The following PATJ variants were observed in gnomAD, a reference collection of about 807,000 sequenced individuals.
PATJ encodes the protein inaD-like protein.
In PATJ, 190 loss-of-function variants were observed where a neutral mutation model predicts 224.9. The observed-to-expected ratio is 0.84, with a 90% confidence interval of 0.75 to 0.95. The LOEUF is 0.95. Among genes scored for constraint, PATJ ranks in the 40% least tolerant of loss-of-function variants. PATJ has a pLI of 0.00. For synonymous variants in PATJ, 769 were observed against 820.3 expected, an observed-to-expected ratio of 0.94 and a Z score of 1.07; for missense variants, 2,121 against 2,270.3, an observed-to-expected ratio of 0.93 and a Z score of 1.34.
At position 61,994,272 on chromosome 1, in the gene PATJ, A is replaced by G. The variant is rs896521125; in HGVS notation, c.3867+3908A>G. Reference sequence around the variant, plus strand: ...AACAAAATACATAATACCTGCCCTCACAGAGCTTCCAGTCTAGTGATTGTA... The same window carrying G: ...AACAAAATACATAATACCTGCCCTCGCAGAGCTTCCAGTCTAGTGATTGTA... On this transcript the variant is annotated intron_variant, in intron 28 of 43. Coordinates refer to ENST00000642238, the MANE Select transcript of PATJ (RefSeq NM_001350145.3). Among the ~76,000 whole-genome samples the G allele has an allele frequency of 1.6e-4, 25 of 152,214 alleles. 1 individual carries two copies. The highest frequency in any genetic ancestry group is 3.4e-4 in the Non-Finnish European group (23 of 68,036).
chr1:61,946,301 A>G (rs1225448295), intron 27 of PATJ, among the ~76,000 whole-genome samples: 2 of 152,214 alleles, frequency 1.3e-5, no homozygotes, highest in African/African-American at 4.8e-5. Flanking sequence ...AAAGATCAAC[A>G]AAATTGATAG....
rs1337195431 is a variant in PATJ, at chr1:61,801,763, A to G, written c.1543A>G (p.Lys515Glu). 1 of 1,582,438 alleles carries G rather than the reference A, an allele frequency of 6.3e-7. No individual in the cohort carries two copies. The highest frequency in any genetic ancestry group is 1.2e-5 in the South Asian group (1 of 85,452). The change falls in exon 12 of 44, where the codon AAA becomes GAA. Residue 515 changes from lysine to glutamate, a missense_variant. By Grantham distance (56) the Lys-to-Glu change is moderately conservative (BLOSUM62 1). Transcript: ENST00000642238. Reference protein sequence around the residue: ...LKNDNIQALEKLEKVPDSPEN... With the variant: ...LKNDNIQALEELEKVPDSPEN... Reference sequence around the variant, plus strand: ...AAATGACAACATACAAGCCTTAGAAAAATTGGGTAGGCACAAAGCATTCAC... The same window carrying G: ...AAATGACAACATACAAGCCTTAGAAGAATTGGGTAGGCACAAAGCATTCAC...
At chr1:62,067,123 C>CT (rs11381578) in intron 31 of PATJ, among the ~76,000 whole-genome samples, 17,070 of 115,898 alleles carry the variant, frequency 0.15, 2,606 homozygotes, top group East Asian at 0.64. Context: ...CCTATTCTTT[C>CT]TTTTTTTTTT....
intron 27 of PATJ, among the ~76,000 whole-genome samples, chr1:61,988,571 ACTGTATTTTG>A (rs1174249372): frequency 6.6e-6 from 1 of 152,188 alleles, no homozygotes; most frequent in Non-Finnish European, 1.5e-5. Flanking sequence ...CCTTCATTTT[ACTGTATTTTG>A]CTAAATGTGT....
chr1:62,120,804 C>A, intron 37 of PATJ: 1 of 181,856 alleles, frequency 5.5e-6, no homozygotes, highest in Non-Finnish European at 1.1e-5. Context: ...ATAAAGTTGA[C>A]TGTAACCCCA....
chr1:62,047,424 T>TA (rs1652769621), intron 30 of PATJ, among the ~76,000 whole-genome samples: 1 of 68,132 alleles, frequency 1.5e-5, no homozygotes, highest in Non-Finnish European at 4.3e-5. Flanking sequence ...GCCTGGCTAA[T>TA]TTTTTTGTAT....
At chr1:61,892,296 G>T (rs1429906085) in intron 22 of PATJ, among the ~76,000 whole-genome samples, 1 of 152,124 alleles carries the variant, frequency 6.6e-6, no homozygotes, top group African/African-American at 2.4e-5. Flanking sequence ...CATCATTTTT[G>T]GGTGCTGAGT....
intron 5 of PATJ, among the ~76,000 whole-genome samples, chr1:61,770,637 G>T (rs760435678): frequency 1.3e-5 from 2 of 152,050 alleles, no homozygotes; most frequent in African/African-American, 2.4e-5. Flanking sequence ...TGGTGCTTGG[G>T]AGAGATTAAA....
chr1:62,009,021 C>T lies in PATJ; in HGVS notation c.3868-8835C>T, dbSNP rs547428628. ...ATTCAGTCACCTTTGAAAGAAGAAACTTTGGGAAAGGCACTTAGTTTCTCT... is the reference window on the plus strand; with the variant it reads ...ATTCAGTCACCTTTGAAAGAAGAAATTTTGGGAAAGGCACTTAGTTTCTCT... On this transcript the variant is annotated intron_variant, in intron 28 of 43. Coordinates refer to ENST00000642238, the MANE Select transcript of PATJ (RefSeq NM_001350145.3). Among the ~76,000 whole-genome samples, 107 of 152,204 alleles carry T rather than the reference C, an allele frequency of 7.0e-4. 2 individuals carry two copies. In the South Asian group the frequency reaches 0.019, roughly 27 times the overall value.
chr1:62,098,358 C>CAAAAAAAAA (rs57285107), intron 33 of PATJ, among the ~76,000 whole-genome samples: 4 of 123,440 alleles, frequency 3.2e-5, no homozygotes, highest in Middle Eastern at 4.5e-3. Context: ...GACTCCATCT[C>CAAAAAAAAA]AAAAAAAAAA....
At chr1:61,907,499 T>G (rs929734715) in intron 24 of PATJ, among the ~76,000 whole-genome samples, 5 of 152,232 alleles carry the variant, frequency 3.3e-5, no homozygotes, top group African/African-American at 1.2e-4. Context: ...GATATTGACC[T>G]TACAGTTGTC....
rs563190875 is a variant in PATJ at position 61,943,980 on chromosome 1, A to G, written c.3670+16151A>G. ...AGGGTCTGGAGTGGACCCCCAGCAAACTCCAACAGACCTGCAGCTGAGGGT... is the reference window on the plus strand; with the variant it reads ...AGGGTCTGGAGTGGACCCCCAGCAAGCTCCAACAGACCTGCAGCTGAGGGT... On this transcript the variant is annotated intron_variant, in intron 27 of 43. Transcript: ENST00000642238. Among the ~76,000 whole-genome samples the G allele has an allele frequency of 4.9e-3, 746 of 152,252 alleles. 5 individuals carry two copies. Among genetic ancestry groups the G allele is most frequent in the African/African-American group, 0.017 (721 of 41,546 alleles).
intron 17 of PATJ, among the ~76,000 whole-genome samples, chr1:61,837,590 A>G (rs1441432089): frequency 6.6e-6 from 1 of 152,032 alleles, no homozygotes; most frequent in African/African-American, 2.4e-5. Context: ...GAAGTTTGAG[A>G]CCAGCCTGGC....
At chr1:61,964,452 T>A (rs573516227) in intron 27 of PATJ, among the ~76,000 whole-genome samples, 3 of 152,170 alleles carry the variant, frequency 2.0e-5, no homozygotes, top group Non-Finnish European at 4.4e-5. Context: ...ATATATAGAT[T>A]AGCAGATTAA....
At chr1:62,152,986 A>G (rs1177640019) in intron 42 of PATJ, among the ~76,000 whole-genome samples, 2 of 152,104 alleles carry the variant, frequency 1.3e-5, no homozygotes, top group East Asian at 3.9e-4. Context: ...TAAAAATACA[A>G]AAATTAGCCA....
chr1:61,772,393 A>T (rs1202682572), intron 6 of PATJ, among the ~76,000 whole-genome samples: 2 of 152,164 alleles, frequency 1.3e-5, no homozygotes, highest in African/African-American at 2.4e-5. Context: ...TCATGTAAAG[A>T]TACATACTGA....
chr1:61,828,599 C>T (rs1029286771), intron 16 of PATJ, among the ~76,000 whole-genome samples: 7 of 151,836 alleles, frequency 4.6e-5, no homozygotes, highest in African/African-American at 1.7e-4. Context: ...GCCGTATTTC[C>T]CAGGGTGGTC....
intron 27 of PATJ, among the ~76,000 whole-genome samples, chr1:61,940,388 A>AT (rs1432435439): frequency 2.6e-5 from 4 of 152,148 alleles, no homozygotes; most frequent in Non-Finnish European, 5.9e-5. Flanking sequence ...TAGTAATATA[A>AT]AATTCTTCAA....
chr1:61,809,056 T>C (rs1255054638), intron 14 of PATJ, among the ~76,000 whole-genome samples: 1 of 152,276 alleles, frequency 6.6e-6, no homozygotes, highest in African/African-American at 2.4e-5. Context: ...AAGTGGTTTA[T>C]CTTCTGAGTG....
Sources: allele counts gnomAD v4.1 joint callset (sites outside exome capture counted in the v4.1 genomes callset), GRCh38; gene constraint gnomAD v4.1.1; transcripts MANE v1.5; gene names NCBI Gene and HGNC (gene_info 2026-07-23, HGNC 2026-07-21).